SPOCK3: variants seen among roughly 807,000 people sequenced by gnomAD.
SPOCK3 encodes testican-3.
A neutral mutation model predicts 56.6 loss-of-function variants in SPOCK3; 30 were observed. The observed-to-expected ratio is 0.53, with a 90% confidence interval of 0.40 to 0.72. The LOEUF (loss-of-function observed/expected upper bound fraction) is 0.72. SPOCK3 is among the 30% of genes least tolerant of loss of function. The pLI, the probability that SPOCK3 is intolerant of heterozygous loss-of-function variation, is 0.00. For missense variants in SPOCK3, 527 were observed against 530.0 expected, an observed-to-expected ratio of 0.99 and a Z score of 0.06; for synonymous variants, 196 against 183.3, an observed-to-expected ratio of 1.07 and a Z score of -0.56.
intron 4 of SPOCK3, among the ~76,000 whole-genome samples, chr4:166,976,566 T>C (rs1362672078): frequency 6.6e-6 from 1 of 152,198 alleles, no homozygotes; most frequent in African/African-American, 2.4e-5. Flanking sequence ...CCTTTCTTTA[T>C]TTAGGTTCTT....
At chr4:167,214,141 A>G (rs924347079) in intron 2 of SPOCK3, among the ~76,000 whole-genome samples, 1 of 151,962 alleles carries the variant, frequency 6.6e-6, no homozygotes, top group Non-Finnish European at 1.5e-5. Flanking sequence ...GTCTTCCAAG[A>G]TGTAAATTTA....
At chr4:166,928,706 C>T (rs565446566) in intron 4 of SPOCK3, among the ~76,000 whole-genome samples, 5 of 152,232 alleles carry the variant, frequency 3.3e-5, no homozygotes, top group African/African-American at 1.2e-4. Context: ...CACGGTGGCT[C>T]ACGCCTGTAA....
intron 5 of SPOCK3, among the ~76,000 whole-genome samples, chr4:166,896,044 T>C (rs932665248): frequency 2.0e-5 from 3 of 152,198 alleles, no homozygotes; most frequent in African/African-American, 4.8e-5. Flanking sequence ...AATGGTGGCA[T>C]AGCGAAGAGG....
At chr4:167,163,599 C>T (rs1394037601) in intron 2 of SPOCK3, among the ~76,000 whole-genome samples, 1 of 152,004 alleles carries the variant, frequency 6.6e-6, no homozygotes, top group Non-Finnish European at 1.5e-5. Flanking sequence ...CCTTCCCAAC[C>T]TCTGGTAACC....
chr4:167,038,522 G>GT (rs1752965098), intron 3 of SPOCK3, among the ~76,000 whole-genome samples: 1 of 151,994 alleles, frequency 6.6e-6, no homozygotes, highest in South Asian at 2.1e-4. Context: ...CCTGGTTATG[G>GT]TAACTATTCA....
intron 6 of SPOCK3, among the ~76,000 whole-genome samples, chr4:166,815,684 G>A (rs1261330629): frequency 6.6e-6 from 1 of 151,994 alleles, no homozygotes; most frequent in African/African-American, 2.4e-5. Flanking sequence ...GGAGGCTGAG[G>A]CAGATTACTT....
intron 2 of SPOCK3, among the ~76,000 whole-genome samples, chr4:167,086,839 A>T (rs777313280): frequency 6.6e-6 from 1 of 152,130 alleles, no homozygotes; most frequent in Non-Finnish European, 1.5e-5. Flanking sequence ...AAAACAGTTG[A>T]CTGAGAAATA....
rs1343587825 is a variant in SPOCK3 at position 167,062,473 on chromosome 4, A to T, written c.235+19T>A. 3 of 1,566,718 alleles carry T rather than the reference A, an allele frequency of 1.9e-6. No homozygotes were observed. The African/African-American group carries it at 4.1e-5, about 21-fold the overall frequency. ...ATGAACATGTAAAGGTTTTTATTTT[A>T]AAATAGTTAGATTCTTACCCTGATC... On this transcript the variant is annotated intron_variant, in intron 3 of 10. Transcript: ENST00000357545.
At chr4:166,752,438 G>T (rs1212313203) in intron 8 of SPOCK3, among the ~76,000 whole-genome samples, 1 of 151,878 alleles carries the variant, frequency 6.6e-6, no homozygotes, top group Admixed American at 6.6e-5. Context: ...CTATGCAACT[G>T]TAGTCTTCAT....
At chr4:167,170,761 T>C (rs1431468180) in intron 2 of SPOCK3, among the ~76,000 whole-genome samples, 4 of 152,160 alleles carry the variant, frequency 2.6e-5, no homozygotes, top group African/African-American at 9.6e-5. Flanking sequence ...GTTGAAAACC[T>C]GAAAACACTT....
At chr4:166,962,083 A>G (rs1349810026) in intron 4 of SPOCK3, among the ~76,000 whole-genome samples, 1 of 151,694 alleles carries the variant, frequency 6.6e-6, no homozygotes, top group Non-Finnish European at 1.5e-5. Context: ...AAATCACATC[A>G]CTCTGAAGCT....
intron 2 of SPOCK3, among the ~76,000 whole-genome samples, chr4:167,141,680 T>C (rs1409590698): frequency 6.6e-6 from 1 of 151,722 alleles, no homozygotes; most frequent in African/African-American, 2.4e-5. Context: ...AAGATAGCAA[T>C]GGAAAATAGG....
chr4:167,127,283 C>T (rs1762356475), intron 2 of SPOCK3, among the ~76,000 whole-genome samples: 1 of 152,058 alleles, frequency 6.6e-6, no homozygotes, highest in Non-Finnish European at 1.5e-5. Flanking sequence ...CACACACATA[C>T]ACAATCAAGT....
chr4:167,037,751 T>A (rs2150194232), intron 3 of SPOCK3, among the ~76,000 whole-genome samples: 1 of 152,300 alleles, frequency 6.6e-6, no homozygotes, highest in African/African-American at 2.4e-5. Context: ...TAAGTGGAGG[T>A]GGCTTTAACC....
At chr4:166,893,855 G>A (rs1735056747) in intron 5 of SPOCK3, among the ~76,000 whole-genome samples, 1 of 152,004 alleles carries the variant, frequency 6.6e-6, no homozygotes, top group African/African-American at 2.4e-5. Context: ...CTCATAAACA[G>A]CATTCCTCAT....
chr4:166,999,720 C>A (rs1331989954), intron 4 of SPOCK3, among the ~76,000 whole-genome samples: 1 of 152,194 alleles, frequency 6.6e-6, no homozygotes, highest in Non-Finnish European at 1.5e-5. Flanking sequence ...CAGCACCAAA[C>A]TACACAGGCT....
intron 2 of SPOCK3, among the ~76,000 whole-genome samples, chr4:167,116,526 A>T (rs815211): frequency 1.4e-5 from 2 of 137,958 alleles, no homozygotes; most frequent in Non-Finnish European, 3.1e-5. Context: ...ATATACGTAT[A>T]TGTATATATA....
At chr4:167,181,202 T>C (rs1731424078) in intron 2 of SPOCK3, among the ~76,000 whole-genome samples, 1 of 152,184 alleles carries the variant, frequency 6.6e-6, no homozygotes, top group Non-Finnish European at 1.5e-5. Context: ...GTGAACATCC[T>C]CCTTGAGTAA....
At chr4:167,189,532 A>G (rs1489960618) in intron 2 of SPOCK3, among the ~76,000 whole-genome samples, 1 of 145,688 alleles carries the variant, frequency 6.9e-6, no homozygotes, top group Non-Finnish European at 1.5e-5. Flanking sequence ...CAAGGTGTAC[A>G]ATGTGATTAT....
Sources: gnomAD v4.1 joint callset for allele counts (sites outside exome capture counted in the v4.1 genomes callset) on GRCh38, gnomAD v4.1.1 for gene constraint, MANE v1.5 for transcripts, NCBI Gene and HGNC (gene_info 2026-07-23, HGNC 2026-07-21) for gene names.